Variants in LRMDA observed in about 807,000 individuals in gnomAD.
The protein encoded by LRMDA is leucine-rich melanocyte differentiation-associated protein.
In LRMDA, 18 loss-of-function variants were observed where a neutral mutation model predicts 29.8. The ratio of observed to expected loss-of-function variants is 0.60; its 90% CI spans 0.42 to 0.90. The LOEUF is 0.90. Ranked by LOEUF, LRMDA falls within the 40% of genes least tolerant of loss-of-function variation. LRMDA has a pLI of 0.00. For missense variants in LRMDA, 273 were observed against 273.9 expected (o/e 1.00, Z 0.02); for synonymous variants, 125 against 109.4 (o/e 1.14, Z -0.89).
chr10:76,477,946 A>AC, intron 6 of LRMDA, among the ~76,000 whole-genome samples: 1 of 152,230 alleles, frequency 6.6e-6, no homozygotes, highest in Middle Eastern at 3.4e-3. Flanking sequence ...AACCATAAAA[A>AC]CCCTAGAAGA....
chr10:75,450,069 T>C (rs564185703), intron 2 of LRMDA: 1 of 152,154 alleles, frequency 6.6e-6, no homozygotes, highest in Non-Finnish European at 1.5e-5. Flanking sequence ...GATTATGCTT[T>C]TTGCTGGGTG....
intron 2 of LRMDA, among the ~76,000 whole-genome samples, chr10:75,899,479 T>TC (rs1226308534): frequency 6.6e-6 from 1 of 152,238 alleles, no homozygotes; most frequent in African/African-American, 2.4e-5. Context: ...TTTGTCTTAA[T>TC]CCTAGAGGTA....
At chr10:76,502,844 T>C (rs529497304) in intron 6 of LRMDA, among the ~76,000 whole-genome samples, 103 of 151,816 alleles carry the variant, frequency 6.8e-4, no homozygotes, top group African/African-American at 2.4e-3. Flanking sequence ...TCAGAGAAGA[T>C]AGTTTGATTT....
chr10:76,540,950 T>C lies in LRMDA; in HGVS notation c.602-16259T>C, dbSNP rs574282961. The stretch of plus-strand genomic sequence containing the variant: ...TTGACAATACCTGCACAAGTCCCAG[T>C]GGTATATGTGGAAATTCTTGCTGCT... On this transcript the variant is annotated intron_variant, in intron 6 of 6. Coordinates refer to ENST00000611255, the MANE Select transcript of LRMDA (RefSeq NM_001305581.2). 4.6e-5 allele frequency among the ~76,000 whole-genome samples: 7 copies of C among 152,234 alleles called. No homozygotes were observed. In the South Asian group the frequency reaches 1.4e-3, roughly 32 times the overall value.
chr10:76,361,545 A>G (rs1841313008), intron 6 of LRMDA, among the ~76,000 whole-genome samples: 1 of 152,146 alleles, frequency 6.6e-6, no homozygotes. Context: ...GGTCAAGCTT[A>G]TCTACCATTA....
chr10:75,459,478 G>A (rs1844559345), intron 2 of LRMDA, among the ~76,000 whole-genome samples: 1 of 152,130 alleles, frequency 6.6e-6, no homozygotes, highest in African/African-American at 2.4e-5. Flanking sequence ...ATGCTATGCT[G>A]CACAAAAGCA....
chr10:75,947,198 G>A (rs145950024), intron 2 of LRMDA, among the ~76,000 whole-genome samples: 88 of 152,334 alleles, frequency 5.8e-4, no homozygotes, highest in Admixed American at 1.4e-3. Flanking sequence ...TTAACTGTAT[G>A]AAATTGCCAA....
rs568737044 is a variant in LRMDA, at chr10:75,741,241, G to A, written c.132-294767G>A. Among the ~76,000 whole-genome samples, 11 of 152,274 alleles carry A rather than the reference G, an allele frequency of 7.2e-5. No homozygotes were observed. The East Asian group carries it at 7.7e-4, about 11-fold the overall frequency. ...ACCCACTTCCAGGCTCTGTCATGTC[G>A]TTAGCAGAATGCACTTCCTTTTGGC... On this transcript the variant is annotated intron_variant, in intron 2 of 6. Transcript: ENST00000611255.
chr10:76,028,218 A>C (rs1848092799), intron 2 of LRMDA, among the ~76,000 whole-genome samples: 2 of 152,198 alleles, frequency 1.3e-5, no homozygotes, highest in South Asian at 4.1e-4. Context: ...TAGATTCCTA[A>C]TAAAGCTGAA....
In LRMDA at chr10:76,418,717, T is replaced by G. The variant is rs191402143; in HGVS notation, c.601+94232T>G. 1.3e-4 allele frequency among the ~76,000 whole-genome samples: 20 copies of G among 152,208 alleles called. No homozygotes were observed. In the East Asian group the frequency reaches 3.5e-3, roughly 26 times the overall value. On this transcript the variant is annotated intron_variant, in intron 6 of 6. Transcript: ENST00000611255. ...TTTCAATCTCAGCTTTTAATTTTAT[T>G]ATGTCTAATGAGTGCTATAGAACTG... is the stretch of plus-strand genomic sequence containing the variant.
intron 6 of LRMDA, among the ~76,000 whole-genome samples, chr10:76,381,396 A>G (rs1327236408): frequency 6.6e-6 from 1 of 152,178 alleles, no homozygotes; most frequent in African/African-American, 2.4e-5. Context: ...ATATATCACC[A>G]ATACCTGTAC....
intron 5 of LRMDA, among the ~76,000 whole-genome samples, chr10:76,241,744 C>G (rs1010423242): frequency 6.6e-6 from 1 of 152,144 alleles, no homozygotes; most frequent in Non-Finnish European, 1.5e-5. Context: ...GCCTGACCCC[C>G]ATCCTCACCA....
intron 5 of LRMDA, among the ~76,000 whole-genome samples, chr10:76,065,904 C>T (rs751680673): frequency 2.6e-4 from 40 of 152,214 alleles, no homozygotes; most frequent in Admixed American, 1.8e-3. Context: ...ACTCACTGCT[C>T]GCACACGTCT....
rs11001780 is a variant in LRMDA, at chr10:76,432,999, C to T, written c.601+108514C>T. Among the ~76,000 whole-genome samples, 105 of 152,044 alleles carry T rather than the reference C, an allele frequency of 6.9e-4. 1 individual carries two copies. In the South Asian group the frequency reaches 0.012, roughly 17 times the overall value. On this transcript the variant is annotated intron_variant, in intron 6 of 6. Coordinates refer to ENST00000611255, the MANE Select transcript of LRMDA (RefSeq NM_001305581.2). ...GAAGAAGGACAGAATGGACTGCTGG[C>T]GGATGAATTGGGAGGGGAGGGAATG...
At chr10:75,983,098 A>G (rs7077719) in intron 2 of LRMDA, among the ~76,000 whole-genome samples, 55,880 of 151,960 alleles carry the variant, frequency 0.37, 11,634 homozygotes, top group African/African-American at 0.55. Context: ...TTGCAAGTCA[A>G]CCTCCACTTG....
At chr10:75,828,091 G>T (rs1192657032) in intron 2 of LRMDA, among the ~76,000 whole-genome samples, 1 of 152,114 alleles carries the variant, frequency 6.6e-6, no homozygotes, top group Non-Finnish European at 1.5e-5. Context: ...CTCCTTGTGT[G>T]CCCTATACTG....
intron 5 of LRMDA, among the ~76,000 whole-genome samples, chr10:76,276,053 C>CTATCTATCTATCTATCTA (rs150054728): frequency 4.3e-5 from 6 of 139,936 alleles, no homozygotes; most frequent in African/African-American, 1.7e-4. Flanking sequence ...ATCTATCTAT[C>CTATCTATCTATCTATCTA]TCTTTCTTTC....
chr10:75,785,908 G>C (rs1336015733), intron 2 of LRMDA, among the ~76,000 whole-genome samples: 1 of 152,208 alleles, frequency 6.6e-6, no homozygotes, highest in Non-Finnish European at 1.5e-5. Flanking sequence ...TTAGCCTTAA[G>C]TTATGATTCT....
Position 76,189,892 on chromosome 10 carries a change from C to T in LRMDA, c.516+131109C>T, listed in dbSNP as rs372856357. On this transcript the variant is annotated intron_variant, in intron 5 of 6. Coordinates refer to ENST00000611255, the MANE Select transcript of LRMDA (RefSeq NM_001305581.2). ...TCTGACCCACCACTAAAGGAAGATG[C>T]GCCCTGCACACAGTGCATCAAATTT... Among the ~76,000 whole-genome samples, 19 of 152,158 alleles carry T rather than the reference C, an allele frequency of 1.2e-4. 1 individual carries two copies. The highest frequency in any genetic ancestry group is 3.6e-4 in the African/African-American group (15 of 41,444).
Sources: allele counts gnomAD v4.1 joint callset (sites outside exome capture counted in the v4.1 genomes callset), GRCh38; gene constraint gnomAD v4.1.1; transcripts MANE v1.5; gene names NCBI Gene and HGNC (gene_info 2026-07-23, HGNC 2026-07-21).